MAGI2: variants seen among roughly 807,000 people sequenced by gnomAD.
MAGI2 encodes membrane-associated guanylate kinase, WW and PDZ domain-containing protein 2.
Under a neutral mutation model 133.3 loss-of-function variants are expected in MAGI2, and 35 were observed. That is an observed-to-expected ratio of 0.26 (90% CI 0.20 to 0.35). MAGI2 has a LOEUF of 0.35. MAGI2 is among the 10% of genes least tolerant of loss of function. MAGI2 has a pLI of 1.00. For synonymous variants in MAGI2, 729 were observed against 710.6 expected (o/e 1.03, Z -0.41); for missense variants, 1,636 against 1,863.4 (o/e 0.88, Z 2.25).
At chr7:78,476,019 A>G (rs79364551) in intron 6 of MAGI2, among the ~76,000 whole-genome samples, 6,561 of 151,842 alleles carry the variant, frequency 0.043, 496 homozygotes, top group East Asian at 0.34. Flanking sequence ...TTAGCATACT[A>G]TCTTCCCCAC....
intron 20 of MAGI2, among the ~76,000 whole-genome samples, chr7:78,123,738 A>G (rs746732332): frequency 6.6e-6 from 1 of 152,182 alleles, no homozygotes; most frequent in Non-Finnish European, 1.5e-5. Context: ...TTTGGATTGC[A>G]GTTGACACAG....
intron 2 of MAGI2, among the ~76,000 whole-genome samples, chr7:78,713,379 A>T (rs1819392371): frequency 1.3e-5 from 2 of 152,158 alleles, no homozygotes; most frequent in Admixed American, 1.3e-4. Flanking sequence ...GGCATATTTG[A>T]TAAAGTCAGT....
chr7:79,138,801 C>G (rs905221912), intron 1 of MAGI2, among the ~76,000 whole-genome samples: 1 of 151,894 alleles, frequency 6.6e-6, no homozygotes, highest in African/African-American at 2.4e-5. Flanking sequence ...GTCAGGAGAT[C>G]GAGACCATCC....
At chr7:78,874,581 A>G (rs1795273433) in intron 2 of MAGI2, among the ~76,000 whole-genome samples, 1 of 152,184 alleles carries the variant, frequency 6.6e-6, no homozygotes, top group South Asian at 2.1e-4. Context: ...AAATCCAAAA[A>G]AGTTGATCTC....
intron 2 of MAGI2, among the ~76,000 whole-genome samples, chr7:78,815,591 T>C (rs1789497963): frequency 6.6e-6 from 1 of 152,184 alleles, no homozygotes; most frequent in East Asian, 1.9e-4. Flanking sequence ...CAGCATGTGC[T>C]TTCTTCATTT....
At chr7:78,052,681 A>C (rs1470885311) in intron 21 of MAGI2, among the ~76,000 whole-genome samples, 1 of 152,206 alleles carries the variant, frequency 6.6e-6, no homozygotes, top group Non-Finnish European at 1.5e-5. Flanking sequence ...AAAATACTTT[A>C]ATAATTTACT....
intron 3 of MAGI2, among the ~76,000 whole-genome samples, chr7:78,546,571 A>G (rs775710440): frequency 5.3e-5 from 8 of 152,138 alleles, no homozygotes; most frequent in Non-Finnish European, 1.0e-4. Flanking sequence ...AAATTAAACA[A>G]TTGACTGTGT....
intron 21 of MAGI2, among the ~76,000 whole-genome samples, chr7:78,060,773 G>A (rs1025594009): frequency 3.9e-5 from 6 of 152,346 alleles, no homozygotes; most frequent in Non-Finnish European, 8.8e-5. Context: ...AAGTGTTCCC[G>A]TGTAACTGGA....
intron 10 of MAGI2, among the ~76,000 whole-genome samples, chr7:78,250,250 T>G (rs1161303261): frequency 6.6e-6 from 1 of 152,048 alleles, no homozygotes; most frequent in African/African-American, 2.4e-5. Flanking sequence ...AGAAAAAGAT[T>G]TGGGAAATTC....
rs1844982971 is a variant in MAGI2, at chr7:79,395,500, GTT to G, written c.301+57518_301+57519del. ...CAAATTCTTATAACTGTGTCTAGTG[GTT>G]TGACTTCTCCACATCTTCCAGAGAG... On this transcript the variant is annotated intron_variant, in intron 1 of 21. Transcript: ENST00000354212. Among the ~76,000 whole-genome samples the G allele has an allele frequency of 3.3e-5, 5 of 152,284 alleles. No individual in the cohort carries two copies. In the South Asian group the frequency reaches 1.0e-3, roughly 32 times the overall value.
intron 2 of MAGI2, among the ~76,000 whole-genome samples, chr7:78,714,876 C>G (rs1429216699): frequency 6.6e-6 from 1 of 152,154 alleles, no homozygotes; most frequent in Non-Finnish European, 1.5e-5. Context: ...GAGGGAATGG[C>G]AAGAGCTTTG....
At chr7:79,015,357 T>C (rs1247469226) in intron 1 of MAGI2, among the ~76,000 whole-genome samples, 1 of 151,950 alleles carries the variant, frequency 6.6e-6, no homozygotes, top group African/African-American at 2.4e-5. Context: ...TTTTTCAACC[T>C]GCTGACACTT....
At chr7:79,334,062 G>T (rs118115958) in intron 1 of MAGI2, among the ~76,000 whole-genome samples, 1 of 152,108 alleles carries the variant, frequency 6.6e-6, no homozygotes, top group Non-Finnish European at 1.5e-5. Flanking sequence ...CAACCCATCC[G>T]TGTCATCTCT....
chr7:79,416,645 G>T (rs1038997785), intron 1 of MAGI2, among the ~76,000 whole-genome samples: 3 of 151,562 alleles, frequency 2.0e-5, no homozygotes, highest in Non-Finnish European at 4.4e-5. Context: ...AAATAAATTG[G>T]AAAAATACAG....
At chr7:78,363,321 A>G (rs548510544) in intron 7 of MAGI2, among the ~76,000 whole-genome samples, 12 of 152,204 alleles carry the variant, frequency 7.9e-5, no homozygotes, top group Non-Finnish European at 1.0e-4. Context: ...GTGAAACCCC[A>G]TCTCTACTAA....
rs780025180 is a variant in MAGI2, at chr7:78,346,061, A to C, written c.1104-18T>G. ...TTATGTGGCTAAAAAAGAAAATTTC[A>C]GATTAGGATAACCGTGGGGCAAAGT... On this transcript the variant is annotated intron_variant, in intron 7 of 21. Coordinates refer to ENST00000354212, the MANE Select transcript of MAGI2 (RefSeq NM_012301.4). 3.7e-6 allele frequency: 6 copies of C among 1,613,726 alleles called. No individual in the cohort carries two copies. In the East Asian group the frequency reaches 1.1e-4, roughly 30 times the overall value.
intron 6 of MAGI2, among the ~76,000 whole-genome samples, chr7:78,426,849 A>G (rs1460829765): frequency 1.3e-5 from 2 of 152,170 alleles, no homozygotes; most frequent in Admixed American, 1.3e-4. Context: ...GTGAAAAGCA[A>G]ATACAAGGAG....
intron 2 of MAGI2, among the ~76,000 whole-genome samples, chr7:78,721,127 A>C (rs1369500264): frequency 6.6e-6 from 1 of 152,016 alleles, no homozygotes; most frequent in East Asian, 1.9e-4. Flanking sequence ...ACCAAGAAAA[A>C]AATAGGAAAT....
chr7:78,139,351 A>C (rs1822505471), intron 16 of MAGI2, among the ~76,000 whole-genome samples: 1 of 152,206 alleles, frequency 6.6e-6, no homozygotes, highest in Non-Finnish European at 1.5e-5. Flanking sequence ...AGTGCACTGA[A>C]TGTTGATGTA....
Sources: allele counts gnomAD v4.1 joint callset (sites outside exome capture counted in the v4.1 genomes callset), GRCh38; gene constraint gnomAD v4.1.1; transcripts MANE v1.5; gene names NCBI Gene and HGNC (gene_info 2026-07-23, HGNC 2026-07-21).